The following FBH1 variants were observed in gnomAD, a reference collection of about 807,000 sequenced individuals.
FBH1 encodes DNA 3'-5' helicase 1.
In FBH1, 43 loss-of-function variants were observed where a neutral mutation model predicts 115.5. The ratio of observed to expected loss-of-function variants is 0.37; its 90% confidence interval spans 0.29 to 0.48. The LOEUF (loss-of-function observed/expected upper bound fraction) is 0.48. Among genes scored for constraint, FBH1 ranks in the 20% least tolerant of loss-of-function variants. The pLI, the probability that FBH1 is intolerant of heterozygous loss-of-function variation, is 0.99. For synonymous variants in FBH1, 524 were observed against 507.8 expected, an observed-to-expected ratio of 1.03 and a Z score of -0.43; for missense variants, 1,001 against 1,337.3, an observed-to-expected ratio of 0.75 and a Z score of 3.92.
chr10:5,894,041 A>G, intron 1 of FBH1: 1 of 985,388 alleles, frequency 1.0e-6, no homozygotes, highest in Non-Finnish European at 1.2e-6. Context: ...GCTGTCTCCA[A>G]GGGAGTCACA....
chr10:5,891,260 TTGAGTTTGGTTAAGGTAACAG>T (rs1842707496), intron 1 of FBH1: 2 of 819,588 alleles, frequency 2.4e-6, no homozygotes, highest in Non-Finnish European at 2.9e-6. Flanking sequence ...CATGAGCAGA[TTGAGTTTGGTTAAGGTAACAG>T]TGATGTGGAT....
chr10:5,913,600 A>G lies in FBH1; in HGVS notation c.1212-147A>G. 1 of 564,088 alleles carries G rather than the reference A, an allele frequency of 1.8e-6. No homozygotes were observed. 34.9% of individuals were successfully genotyped at this position (564,088 alleles called of 1,614,324 possible). ...TGCTTTGCCAGCCATAGATATATTT[A>G]AATCCTTTTCTTTCTTTTTTCCATT... On this transcript the variant is annotated intron_variant, in intron 6 of 20. Coordinates refer to ENST00000362091, the MANE Select transcript of FBH1 (RefSeq NM_178150.3). The surrounding 1 kb of genome is among the most constrained non-coding windows in gnomAD (Gnocchi z 4.4).
chr10:5,911,045 C>T lies in FBH1; in HGVS notation c.1128C>T (p.Thr376=). Residue 376 remains threonine, a synonymous_variant, in exon 6 of 21, where the codon ACC becomes ACT. Coordinates refer to ENST00000362091, the MANE Select transcript of FBH1 (RefSeq NM_178150.3). The surrounding 1 kb of genome is among the most constrained non-coding windows in gnomAD (Gnocchi z 5.4). ...FCLRRPSSTV[T]MPDVTETLYC... is the part of the protein sequence containing the mutation. ...TCCGGAGACCCAGCTCCACGGTGAC[C>T]ATGCCAGATGTCACCGAGACCCTGT... 1.2e-6 allele frequency: 2 copies of T among 1,613,306 alleles called. No homozygotes were observed. Among genetic ancestry groups the T allele is most frequent in the Non-Finnish European group, 8.5e-7 (1 of 1,179,986 alleles).
Position 5,937,517 on chromosome 10 carries a change from T to A in FBH1, c.*237T>A, listed in dbSNP as rs1303777434. 5 of 276,220 alleles carry A rather than the reference T, an allele frequency of 1.8e-5. No homozygotes were observed. Among genetic ancestry groups the A allele is most frequent in the Middle Eastern group, 9.8e-4 (1 of 1,020 alleles). The allele number at this position is 276,220 out of a possible 1,614,324, so 17.1% of individuals were successfully genotyped here. Reference sequence around the variant, plus strand: ...AGGGAAGTGGGGGATGTTCTTTTGATAAAAAAAAAAAAAAAAATTTATGTA... The same window carrying A: ...AGGGAAGTGGGGGATGTTCTTTTGAAAAAAAAAAAAAAAAAAATTTATGTA... On this transcript the variant is annotated 3_prime_UTR_variant, in exon 21 of 21. Transcript: ENST00000362091.
intron 6 of FBH1, among the ~76,000 whole-genome samples, chr10:5,912,093 G>T (rs191357469): frequency 5.9e-5 from 9 of 152,256 alleles, no homozygotes; most frequent in Middle Eastern, 3.4e-3. Flanking sequence ...CAGGCTTGGT[G>T]GCTCACACCT....
chr10:5,912,231 G>A (rs1358598273), intron 6 of FBH1, among the ~76,000 whole-genome samples: 2 of 152,008 alleles, frequency 1.3e-5, no homozygotes, highest in Non-Finnish European at 2.9e-5. Flanking sequence ...ATTTCTGGTG[G>A]TGCGTGTCTC....
intron 13 of FBH1, among the ~76,000 whole-genome samples, chr10:5,919,496 A>T (rs1482565454): frequency 6.6e-6 from 1 of 152,176 alleles, no homozygotes. Flanking sequence ...AAAAAAAAAT[A>T]GTTTTTAATA....
intron 18 of FBH1, 82 bp from the exon 19 acceptor site, chr10:5,927,353 G>A: frequency 2.0e-6 from 2 of 1,011,844 alleles, no homozygotes; most frequent in Non-Finnish European, 2.9e-6. Context: ...GTGGGGGCTA[G>A]TAAACATTTA....
Position 5,935,129 on chromosome 10 carries a change from T to C in FBH1, c.2830-1327T>C, listed in dbSNP as rs1833247142. 2 of 152,238 alleles carry C rather than the reference T, an allele frequency of 1.3e-5. No homozygotes were observed. The highest frequency in any genetic ancestry group is 4.8e-5 in the African/African-American group (2 of 41,452). 9.4% of individuals were successfully genotyped at this position (152,238 alleles called of 1,614,324 possible). On this transcript the variant is annotated intron_variant, in intron 19 of 20. Transcript: ENST00000362091. The surrounding 1 kb of genome is among the most constrained non-coding windows in gnomAD (Gnocchi z 5.2). ...TTCTTCCATGTGTGTTTCTTACATA[T>C]GTGCGTATGTATAGCATTATAATGG...
Position 5,921,551 on chromosome 10 carries a change from A to G in FBH1, c.2304A>G (p.Ser768=), listed in dbSNP as rs370920788. 57 of 1,594,740 alleles carry G rather than the reference A, an allele frequency of 3.6e-5. No individual in the cohort carries two copies. In the African/African-American group the frequency reaches 4.2e-4, roughly 12 times the overall value. ...AVRVTEGEFP[S]RIHLIGGIKS... ...GGGTGACGGAAGGGGAATTCCCTTC[A>G]AGGATACATTTGATTGGGGTAAGAG... Residue 768 remains serine, a synonymous_variant, in exon 15 of 21, where the codon TCA becomes TCG. Coordinates refer to ENST00000362091, the MANE Select transcript of FBH1 (RefSeq NM_178150.3). The surrounding 1 kb of genome is among the most constrained non-coding windows in gnomAD (Gnocchi z 6.4).
At chr10:5,904,823 T>G (rs1843598402) in intron 2 of FBH1, among the ~76,000 whole-genome samples, 1 of 152,154 alleles carries the variant, frequency 6.6e-6, no homozygotes, top group South Asian at 2.1e-4. Context: ...CAAGAAACAG[T>G]TAACCGTTAT....
chr10:5,889,928 T>TCCGCCCCCGTCC (rs1482341527), upstream of FBH1: 43 of 170,594 alleles, frequency 2.5e-4, no homozygotes, highest in Admixed American at 5.1e-4. Flanking sequence ...GTTCCTGGGC[T>TCCGCCCCCGTCC]CCGCCCCCGT....
At position 5,895,695 on chromosome 10, in the gene FBH1, A is replaced by G. The variant is rs1419305540; in HGVS notation, c.1+5349A>G. On this transcript the variant is annotated intron_variant, in intron 1 of 20. Transcript: ENST00000362091. This position sits in a 1 kb window ranked among gnomAD's most constrained non-coding sequence, Gnocchi z 5.0. ...GGGGAGGGAGGGTTCTTTTTAAAGC[A>G]GTAGTCCGAGGATTGAGGCTGCTGG... Among the ~76,000 whole-genome samples the G allele has an allele frequency of 6.6e-6, 1 of 152,204 alleles. No individual in the cohort carries two copies. The highest frequency in any genetic ancestry group is 6.5e-5 in the Admixed American group (1 of 15,270).
chr10:5,905,711 A>G lies in FBH1; in HGVS notation c.158-326A>G, dbSNP rs1042935099. Among the ~76,000 whole-genome samples the G allele has an allele frequency of 5.3e-5, 8 of 151,772 alleles. No homozygotes were observed. In the South Asian group the frequency reaches 1.3e-3, roughly 24 times the overall value. On this transcript the variant is annotated intron_variant, in intron 2 of 20. Coordinates refer to ENST00000362091, the MANE Select transcript of FBH1 (RefSeq NM_178150.3). ...AGTGGCGGTGTGGTTGTGAGCAGTC[A>G]CCTCCTTTTTGTCTGTCCATTCAGA... is the stretch of plus-strand genomic sequence containing the variant.
Position 5,913,933 on chromosome 10 carries a change from C to A in FBH1, c.1304+94C>A. 1 of 993,270 alleles carries A rather than the reference C, an allele frequency of 1.0e-6. No homozygotes were observed. Among genetic ancestry groups the A allele is most frequent in the Non-Finnish European group, 1.5e-6 (1 of 651,032 alleles). 61.5% of individuals were successfully genotyped at this position (993,270 alleles called of 1,614,324 possible). On this transcript the variant is annotated intron_variant, in intron 7 of 20. Transcript: ENST00000362091. The surrounding 1 kb of genome is among the most constrained non-coding windows in gnomAD (Gnocchi z 4.4). ...ATGTTTTGCTTCACTTTAGCAACATCATTGAGGTTAATAATGTAAATTGTG... is the reference window on the plus strand; with the variant it reads ...ATGTTTTGCTTCACTTTAGCAACATAATTGAGGTTAATAATGTAAATTGTG...
Position 5,894,375 on chromosome 10 carries a change from GT to G in FBH1, c.1+4033del, listed in dbSNP as rs1199663728. On this transcript the variant is annotated intron_variant, in intron 1 of 20. Coordinates refer to ENST00000362091, the MANE Select transcript of FBH1 (RefSeq NM_178150.3). ...ATGTAATATGGAAATTAAACTTGAG[GT>G]TTTCAGAAGCTGCTTTCAAGGTGTC... 14 of 1,578,114 alleles carry G rather than the reference GT, an allele frequency of 8.9e-6. No individual in the cohort carries two copies. The African/African-American group carries it at 1.5e-4, about 17-fold the overall frequency.
Position 5,895,096 on chromosome 10 carries a change from T to C in FBH1, c.1+4750T>C. 6.2e-7 allele frequency: 1 copy of C among 1,613,982 alleles called. No individual in the cohort carries two copies. Among genetic ancestry groups the C allele is most frequent in the Non-Finnish European group, 8.5e-7 (1 of 1,179,910 alleles). ...GTCAAGTGCCTGAGTCATGTGATAA[T>C]GGGCTACATTGCGCAGGGCCCCTGG... On this transcript the variant is annotated intron_variant, in intron 1 of 20. Transcript: ENST00000362091. This position sits in a 1 kb window ranked among gnomAD's most constrained non-coding sequence, Gnocchi z 5.0.
rs910971428 is a variant in FBH1 at position 5,900,440 on chromosome 10, C to T, written c.2-2580C>T. 3.9e-5 allele frequency among the ~76,000 whole-genome samples: 6 copies of T among 152,308 alleles called. No individual in the cohort carries two copies. The highest frequency in any genetic ancestry group is 2.1e-4 in the South Asian group (1 of 4,830). On this transcript the variant is annotated intron_variant, in intron 1 of 20. Coordinates refer to ENST00000362091, the MANE Select transcript of FBH1 (RefSeq NM_178150.3). The surrounding 1 kb of genome is among the most constrained non-coding windows in gnomAD (Gnocchi z 4.2). ...GCTGAGGGTGCCAGCCCAGCCCTCC[C>T]GCCAGGCCCTCGCCGGCTCACCACG...
intron 1 of FBH1, among the ~76,000 whole-genome samples, chr10:5,894,746 G>A (rs555208342): frequency 2.0e-5 from 3 of 152,350 alleles, no homozygotes; most frequent in Admixed American, 2.0e-4. Context: ...CATGCTGGGT[G>A]TGAGTACCTC....
Sources: allele counts gnomAD v4.1 joint callset (sites outside exome capture counted in the v4.1 genomes callset), GRCh38; gene constraint gnomAD v4.1.1; non-coding constraint Gnocchi (gnomAD v3.1); transcripts MANE v1.5; gene names NCBI Gene and HGNC (gene_info 2026-07-23, HGNC 2026-07-21).